The following NALF1 variants were observed in gnomAD, a reference collection of about 807,000 sequenced individuals.
NALF1 encodes the protein family with sequence similarity 155 member A.
Under a neutral mutation model 48.4 loss-of-function variants are expected in NALF1, and 3 were observed. That is an observed-to-expected ratio of 0.06 (90% CI 0.03 to 0.16). The LOEUF (loss-of-function observed/expected upper bound fraction) is 0.16, where lower values mean the gene tolerates loss of function less well. Ranked by LOEUF, NALF1 falls within the 10% of genes least tolerant of loss-of-function variation. The pLI is 1.00. For missense variants in NALF1, 526 were observed against 571.5 expected, an observed-to-expected ratio of 0.92 and a Z score of 0.81; for synonymous variants, 262 against 245.7, an observed-to-expected ratio of 1.07 and a Z score of -0.62.
At chr13:107,522,596 T>C (rs1289394634) in intron 1 of NALF1, among the ~76,000 whole-genome samples, 6 of 150,870 alleles carry the variant, frequency 4.0e-5, no homozygotes, top group African/African-American at 1.5e-4. Flanking sequence ...CCCTAGGAGA[T>C]TTGAAATATC....
chr13:107,782,060 G>A (rs931878862), intron 1 of NALF1, among the ~76,000 whole-genome samples: 3 of 151,712 alleles, frequency 2.0e-5, no homozygotes, highest in African/African-American at 4.8e-5. Flanking sequence ...CTCTCCCCAC[G>A]GTCTCCCTCT....
intron 1 of NALF1, among the ~76,000 whole-genome samples, chr13:107,592,042 A>T (rs1038915502): frequency 6.6e-6 from 1 of 151,902 alleles, no homozygotes; most frequent in Non-Finnish European, 1.5e-5. Context: ...CTATCATCTC[A>T]TTTTTATCTG....
intron 1 of NALF1, among the ~76,000 whole-genome samples, chr13:107,829,748 T>A (rs1879651935): frequency 6.6e-6 from 1 of 152,328 alleles, no homozygotes; most frequent in South Asian, 2.1e-4. Context: ...TTTACATGGT[T>A]TTCCTCATCA....
At chr13:107,820,972 C>T (rs1291990940) in intron 1 of NALF1, among the ~76,000 whole-genome samples, 1 of 152,150 alleles carries the variant, frequency 6.6e-6, no homozygotes, top group Non-Finnish European at 1.5e-5. Flanking sequence ...TCTGCATACT[C>T]CCTCCCTTAG....
At chr13:107,836,670 C>G (rs950914925) in intron 1 of NALF1, among the ~76,000 whole-genome samples, 2 of 152,062 alleles carry the variant, frequency 1.3e-5, no homozygotes, top group Non-Finnish European at 2.9e-5. Context: ...GGGTACTTAA[C>G]AGTATTTTTC....
chr13:107,290,343 G>A (rs1243153478), intron 1 of NALF1, among the ~76,000 whole-genome samples: 3 of 152,022 alleles, frequency 2.0e-5, no homozygotes, highest in African/African-American at 7.3e-5. Flanking sequence ...ATGTCGATAC[G>A]GTTTGGCTGC....
chr13:107,786,453 G>A (rs1878075858), intron 1 of NALF1, among the ~76,000 whole-genome samples: 1 of 147,092 alleles, frequency 6.8e-6, no homozygotes, highest in South Asian at 2.2e-4. Flanking sequence ...GCCGGGCGCG[G>A]TGGCTCACTC....
At chr13:107,662,791 T>G (rs546432855) in intron 1 of NALF1, among the ~76,000 whole-genome samples, 15 of 152,336 alleles carry the variant, frequency 9.8e-5, no homozygotes, top group Non-Finnish European at 1.8e-4. Flanking sequence ...CATTATTAGT[T>G]GTAAAAAGAC....
intron 1 of NALF1, among the ~76,000 whole-genome samples, chr13:107,221,990 A>G (rs1267683918): frequency 6.6e-6 from 1 of 152,218 alleles, no homozygotes; most frequent in African/African-American, 2.4e-5. Context: ...AGAAGCTCAA[A>G]GAAGGCACTT....
chr13:107,654,219 C>T (rs1594186471), intron 1 of NALF1, among the ~76,000 whole-genome samples: 1 of 152,100 alleles, frequency 6.6e-6, no homozygotes, highest in Admixed American at 6.6e-5. Flanking sequence ...ACTGACACCA[C>T]AGAAATACAA....
intron 1 of NALF1, among the ~76,000 whole-genome samples, chr13:107,804,434 T>G (rs1239437676): frequency 6.6e-6 from 1 of 151,302 alleles, no homozygotes; most frequent in Admixed American, 6.6e-5. Context: ...GAACTTTCTC[T>G]GGTCTCTGCC....
At chr13:107,574,702 G>T (rs9514703) in intron 1 of NALF1, among the ~76,000 whole-genome samples, 71,942 of 151,922 alleles carry the variant, frequency 0.47, 18,385 homozygotes, top group East Asian at 0.7. Flanking sequence ...AGGCTCAAGG[G>T]TCCTATTATT....
chr13:107,299,273 A>C lies in NALF1; in HGVS notation c.916-88518T>G, dbSNP rs186349330. Reference sequence around the variant, plus strand: ...TTGATCATGGACGTCTCTACCAAAAATACAAAAATTAGCTGGGCATGGTGG... The same window carrying C: ...TTGATCATGGACGTCTCTACCAAAACTACAAAAATTAGCTGGGCATGGTGG... On this transcript the variant is annotated intron_variant, in intron 1 of 2. Coordinates refer to ENST00000375915, the MANE Select transcript of NALF1 (RefSeq NM_001080396.3). 1.6e-3 allele frequency among the ~76,000 whole-genome samples: 245 copies of C among 152,064 alleles called. 3 individuals carry two copies. Among genetic ancestry groups the C allele is most frequent in the Non-Finnish European group, 1.9e-3 (128 of 67,984 alleles).
chr13:107,777,232 T>A (rs1877761188), intron 1 of NALF1, among the ~76,000 whole-genome samples: 1 of 152,260 alleles, frequency 6.6e-6, no homozygotes. Flanking sequence ...ACCTATTTTA[T>A]AGGTAAGAAA....
At chr13:107,222,820 G>T (rs1015702653) in intron 1 of NALF1, among the ~76,000 whole-genome samples, 6 of 152,228 alleles carry the variant, frequency 3.9e-5, no homozygotes, top group South Asian at 2.1e-4. Context: ...CCTCTGGCAT[G>T]ACTCAGCCAT....
chr13:107,850,195 TG>T (rs1422749602), intron 1 of NALF1, among the ~76,000 whole-genome samples: 2 of 152,228 alleles, frequency 1.3e-5, no homozygotes, highest in African/African-American at 4.8e-5. Flanking sequence ...AAGTGCTAAT[TG>T]TTCACTACCA....
At position 107,320,037 on chromosome 13, in the gene NALF1, T is replaced by G. The variant is rs979090075; in HGVS notation, c.916-109282A>C. ...ACAGAACAAGGCACCAGTTATAAAC[T>G]TCAAGCCTCTTGGTAAAACCATGGT... On this transcript the variant is annotated intron_variant, in intron 1 of 2. Coordinates refer to ENST00000375915, the MANE Select transcript of NALF1 (RefSeq NM_001080396.3). Among the ~76,000 whole-genome samples, 63 of 152,150 alleles carry G rather than the reference T, an allele frequency of 4.1e-4. 1 individual carries two copies. Among genetic ancestry groups the G allele is most frequent in the Admixed American group, 2.0e-4 (3 of 15,256 alleles).
chr13:107,723,297 A>T (rs1052855427), intron 1 of NALF1, among the ~76,000 whole-genome samples: 1 of 152,104 alleles, frequency 6.6e-6, no homozygotes, highest in Non-Finnish European at 1.5e-5. Context: ...TCTGAGTTCT[A>T]TTTTTAGAAG....
chr13:107,290,095 C>G (rs1187432966), intron 1 of NALF1, among the ~76,000 whole-genome samples: 1 of 150,186 alleles, frequency 6.7e-6, no homozygotes, highest in African/African-American at 2.5e-5. Flanking sequence ...GGTTGATTCC[C>G]TTTGTTAAGC....
Sources: gnomAD v4.1 joint callset for allele counts (sites outside exome capture counted in the v4.1 genomes callset) on GRCh38, gnomAD v4.1.1 for gene constraint, MANE v1.5 for transcripts, NCBI Gene and HGNC (gene_info 2026-07-23, HGNC 2026-07-21) for gene names.